The following PRKN variants were observed in gnomAD, a reference collection of about 807,000 sequenced individuals.
PRKN encodes E3 ubiquitin-protein ligase parkin.
PRKN carries 56 observed loss-of-function variants against 59.5 expected under a neutral mutation model. The ratio of observed to expected loss-of-function variants is 0.94; its 90% CI spans 0.76 to 1.18. The LOEUF is 1.18. Ranked by LOEUF, PRKN falls within the 50% of genes most tolerant of loss-of-function variation. The pLI, the probability that PRKN is intolerant of heterozygous loss-of-function variation, is 0.00. For synonymous variants in PRKN, 250 were observed against 222.1 expected, an observed-to-expected ratio of 1.13 and a Z score of -1.12; for missense variants, 657 against 596.4, an observed-to-expected ratio of 1.10 and a Z score of -1.06.
At chr6:162,344,763 T>G (rs1171765200) in intron 2 of PRKN, among the ~76,000 whole-genome samples, 1 of 152,188 alleles carries the variant, frequency 6.6e-6, no homozygotes, top group African/African-American at 2.4e-5. Flanking sequence ...CATTCCTTTC[T>G]GGGCTGCAGG....
chr6:162,555,322 C>T (rs546026234), intron 1 of PRKN, among the ~76,000 whole-genome samples: 328 of 152,082 alleles, frequency 2.2e-3, no homozygotes, highest in African/African-American at 7.7e-3. Flanking sequence ...ATTCTTTGAA[C>T]CAAGATTTTA....
At chr6:162,097,217 T>C (rs1779784126) in intron 4 of PRKN, among the ~76,000 whole-genome samples, 1 of 151,930 alleles carries the variant, frequency 6.6e-6, no homozygotes, top group Admixed American at 6.6e-5. Context: ...TATAGTATGA[T>C]TTTTTTTAGG....
intron 3 of PRKN, 95 bp from the exon 4 acceptor site, chr6:162,201,347 C>T: frequency 8.6e-7 from 1 of 1,156,798 alleles, no homozygotes; most frequent in South Asian, 1.2e-5. Context: ...AATTTTAAAA[C>T]TCAGTCTTCA....
chr6:161,524,902 G>A (rs1209626373), intron 9 of PRKN, among the ~76,000 whole-genome samples: 2 of 152,268 alleles, frequency 1.3e-5, no homozygotes, highest in Non-Finnish European at 2.9e-5. Flanking sequence ...TGTCAGAAGA[G>A]CAGGGCTGGC....
chr6:162,224,912 A>T (rs1301678645), intron 3 of PRKN, among the ~76,000 whole-genome samples: 2 of 152,208 alleles, frequency 1.3e-5, no homozygotes, highest in Non-Finnish European at 2.9e-5. Context: ...CTCATCTGAG[A>T]TGCCCTGGGT....
chr6:162,271,757 T>G (rs939076614), intron 2 of PRKN, among the ~76,000 whole-genome samples: 1 of 152,272 alleles, frequency 6.6e-6, no homozygotes, highest in South Asian at 2.1e-4. Context: ...GAACACTAAA[T>G]GCCAATTTAT....
At chr6:161,630,074 T>C (rs1783242418) in intron 7 of PRKN, among the ~76,000 whole-genome samples, 1 of 152,198 alleles carries the variant, frequency 6.6e-6, no homozygotes, top group Admixed American at 6.5e-5. Context: ...GGTATCATAA[T>C]AACAGAAGCC....
At position 161,413,540 on chromosome 6, in the gene PRKN, T is replaced by C. The variant is rs62435935; in HGVS notation, c.1084-26663A>G. 0.068 allele frequency among the ~76,000 whole-genome samples: 10,416 copies of C among 152,078 alleles called. 411 individuals carry two copies. The highest frequency in any genetic ancestry group is 0.081 in the Non-Finnish European group (5,507 of 67,982). On this transcript the variant is annotated intron_variant, in intron 9 of 11. Transcript: ENST00000366898. This position sits in a 1 kb window ranked among gnomAD's most constrained non-coding sequence, Gnocchi z 4.4. ...AGAAGGCCGGAACCTGGCGGGCTCA[T>C]GTGGGCACGCTGGCCATGGTGGGAT...
At chr6:161,804,906 C>T (rs1583186367) in intron 6 of PRKN, among the ~76,000 whole-genome samples, 1 of 152,212 alleles carries the variant, frequency 6.6e-6, no homozygotes, top group African/African-American at 2.4e-5. Context: ...AATAGGTCTT[C>T]TTGAATTTCT....
intron 10 of PRKN, among the ~76,000 whole-genome samples, chr6:161,374,538 A>G (rs1463057996): frequency 1.5e-5 from 1 of 65,746 alleles, no homozygotes; most frequent in Admixed American, 1.8e-4. Context: ...TGTGTGGTGC[A>G]TGTGTGTGGT....
chr6:161,717,964 TG>T (rs2128184377), intron 7 of PRKN, among the ~76,000 whole-genome samples: 1 of 152,284 alleles, frequency 6.6e-6, no homozygotes, highest in African/African-American at 2.4e-5. Flanking sequence ...AGCGCTCAGC[TG>T]TGTGTGTTTC....
At chr6:162,362,924 C>A (rs531984077) in intron 2 of PRKN, among the ~76,000 whole-genome samples, 2 of 151,374 alleles carry the variant, frequency 1.3e-5, no homozygotes, top group African/African-American at 2.4e-5. Context: ...GTCAGGAGAT[C>A]GAGACCATCC....
At chr6:162,209,625 T>C (rs916645087) in intron 3 of PRKN, among the ~76,000 whole-genome samples, 2 of 149,894 alleles carry the variant, frequency 1.3e-5, no homozygotes, top group African/African-American at 5.1e-5. Flanking sequence ...CAAAGGATTA[T>C]AAATCATGCT....
intron 6 of PRKN, among the ~76,000 whole-genome samples, chr6:161,906,912 AC>A (rs1778171681): frequency 6.6e-6 from 1 of 151,974 alleles, no homozygotes; most frequent in South Asian, 2.1e-4. Flanking sequence ...TAGTCCATCC[AC>A]GCTCTTCTGC....
chr6:162,391,479 C>G (rs1787188551), intron 2 of PRKN, among the ~76,000 whole-genome samples: 1 of 150,924 alleles, frequency 6.6e-6, no homozygotes, highest in Non-Finnish European at 1.5e-5. Context: ...TCTGCAATGA[C>G]TTCCTCCTGG....
At chr6:162,418,851 C>T (rs1788796805) in intron 2 of PRKN, among the ~76,000 whole-genome samples, 1 of 151,762 alleles carries the variant, frequency 6.6e-6, no homozygotes, top group Non-Finnish European at 1.5e-5. Context: ...CCAAAAGCCC[C>T]TTCTCAGGAG....
chr6:161,662,236 T>C (rs1784575074), intron 7 of PRKN, among the ~76,000 whole-genome samples: 1 of 152,038 alleles, frequency 6.6e-6, no homozygotes, highest in Non-Finnish European at 1.5e-5. Flanking sequence ...ATGTGCTATT[T>C]TGCGATGAGA....
intron 1 of PRKN, among the ~76,000 whole-genome samples, chr6:162,706,230 C>T (rs1778334278): frequency 6.6e-6 from 1 of 151,324 alleles, no homozygotes; most frequent in Non-Finnish European, 1.5e-5. Flanking sequence ...AATGAAGGAA[C>T]TCTTTTCCTC....
intron 4 of PRKN, among the ~76,000 whole-genome samples, chr6:162,191,736 C>T (rs1784284556): frequency 6.6e-6 from 1 of 152,194 alleles, no homozygotes; most frequent in South Asian, 2.1e-4. Context: ...AGCCACCGTG[C>T]CCGGCCAGAA....
Sources: gnomAD v4.1 joint callset for allele counts (sites outside exome capture counted in the v4.1 genomes callset) on GRCh38, gnomAD v4.1.1 for gene constraint, Gnocchi (gnomAD v3.1) non-coding constraint, MANE v1.5 for transcripts, NCBI Gene and HGNC (gene_info 2026-07-23, HGNC 2026-07-21) for gene names.